The following MAP2 variants were observed in gnomAD, a reference collection of about 807,000 sequenced individuals.
MAP2 encodes the protein microtubule associated protein 2.
A neutral mutation model predicts 137.6 loss-of-function variants in MAP2; 14 were observed. That is an observed-to-expected ratio of 0.10 (90% CI 0.07 to 0.16). MAP2 has a LOEUF of 0.16. Ranked by LOEUF, MAP2 falls within the 10% of genes least tolerant of loss-of-function variation. MAP2 has a pLI of 1.00. For synonymous variants in MAP2, 786 were observed against 782.3 expected, an observed-to-expected ratio of 1.00 and a Z score of -0.08; for missense variants, 2,088 against 2,191.5, an observed-to-expected ratio of 0.95 and a Z score of 0.94.
intron 7 of MAP2, among the ~76,000 whole-genome samples, chr2:209,687,971 G>A (rs2057601219): frequency 6.6e-6 from 1 of 152,148 alleles, no homozygotes; most frequent in African/African-American, 2.4e-5. Flanking sequence ...GGTGAACCAA[G>A]CATGGTCCCC....
At chr2:209,439,969 A>T (rs1339527386) in intron 1 of MAP2, among the ~76,000 whole-genome samples, 3 of 151,344 alleles carry the variant, frequency 2.0e-5, no homozygotes, top group African/African-American at 7.3e-5. Context: ...TAAGTTACAA[A>T]CTGTTCTATT....
At chr2:209,506,921 G>A (rs2061145206) in intron 1 of MAP2, among the ~76,000 whole-genome samples, 1 of 152,156 alleles carries the variant, frequency 6.6e-6, no homozygotes, top group Admixed American at 6.5e-5. Flanking sequence ...CCCAGTTCTG[G>A]AAGCAGTGAA....
intron 3 of MAP2, among the ~76,000 whole-genome samples, chr2:209,583,757 G>C (rs2077052481): frequency 8.3e-6 from 1 of 120,754 alleles, no homozygotes; most frequent in African/African-American, 3.1e-5. Flanking sequence ...TACCGTAAGA[G>C]AGACATAAAT....
chr2:209,538,669 T>C (rs908311998), intron 2 of MAP2, among the ~76,000 whole-genome samples: 1 of 151,882 alleles, frequency 6.6e-6, no homozygotes, highest in African/African-American at 2.4e-5. Flanking sequence ...TTAAAATACG[T>C]ATCAAACTTC....
intron 2 of MAP2, among the ~76,000 whole-genome samples, chr2:209,525,297 T>G (rs1189448388): frequency 6.6e-6 from 1 of 152,170 alleles, no homozygotes; most frequent in Non-Finnish European, 1.5e-5. Flanking sequence ...AGATTAATTT[T>G]TCATATCTAT....
chr2:209,597,055 T>G (rs1373432473), intron 3 of MAP2, among the ~76,000 whole-genome samples: 2 of 152,122 alleles, frequency 1.3e-5, no homozygotes, highest in East Asian at 3.9e-4. Flanking sequence ...AGAAAAGAAG[T>G]TTTGTGTGAA....
intron 3 of MAP2, among the ~76,000 whole-genome samples, chr2:209,584,105 A>T (rs1335887837): frequency 6.6e-6 from 1 of 152,064 alleles, no homozygotes; most frequent in Non-Finnish European, 1.5e-5. Flanking sequence ...ACATGATTTC[A>T]TTCTTTTTAT....
At chr2:209,723,601 A>T (rs1559668930) in intron 13 of MAP2, 2 of 1,608,826 alleles carry the variant, frequency 1.2e-6, no homozygotes, top group South Asian at 2.2e-5. Context: ...TTAGGTTAGG[A>T]TTTTAAACAA....
intron 2 of MAP2, among the ~76,000 whole-genome samples, chr2:209,539,249 A>G (rs2066484686): frequency 6.6e-6 from 1 of 152,250 alleles, no homozygotes; most frequent in African/African-American, 2.4e-5. Flanking sequence ...ATAAAGACCA[A>G]AGTAAATAAC....
At chr2:209,542,027 G>T (rs1422378320) in intron 2 of MAP2, among the ~76,000 whole-genome samples, 1 of 152,178 alleles carries the variant, frequency 6.6e-6, no homozygotes, top group South Asian at 2.1e-4. Context: ...ATCAGAGGAT[G>T]CACAATCTGT....
rs114021776 is a variant in MAP2, at chr2:209,539,531, C to A, written c.-172+31890C>A. Among the ~76,000 whole-genome samples the A allele has an allele frequency of 8.7e-3, 1,320 of 152,204 alleles. 20 individuals carry two copies. The highest frequency in any genetic ancestry group is 0.031 in the African/African-American group (1,274 of 41,526). ...CAATTTGGCCAATTTCACTGAGATG[C>A]TCATTTGAGTATGTTCCTAAATGAC... On this transcript the variant is annotated intron_variant, in intron 2 of 15. Transcript: ENST00000682079.
At chr2:209,704,113 A>G (rs115671969) in intron 11 of MAP2, 12,929 of 450,658 alleles carry the variant, frequency 0.029, 250 homozygotes, top group Non-Finnish European at 0.042. Flanking sequence ...AAGTTTTTCA[A>G]TCCTTCCCCC....
intron 5 of MAP2, among the ~76,000 whole-genome samples, chr2:209,665,412 A>C (rs1309168328): frequency 2.0e-5 from 3 of 152,164 alleles, no homozygotes; most frequent in African/African-American, 7.2e-5. Flanking sequence ...ATGCCACTGA[A>C]ATATTCTGTA....
intron 1 of MAP2, among the ~76,000 whole-genome samples, chr2:209,494,031 C>A (rs1163751855): frequency 6.6e-6 from 1 of 152,120 alleles, no homozygotes; most frequent in African/African-American, 2.4e-5. Context: ...TTGGAACCAA[C>A]CAAAATGCCC....
intron 1 of MAP2, among the ~76,000 whole-genome samples, chr2:209,467,240 G>A (rs1215084940): frequency 6.6e-6 from 1 of 151,860 alleles, no homozygotes; most frequent in African/African-American, 2.4e-5. Flanking sequence ...TAATTGCAAC[G>A]ACCTCTTTCC....
At chr2:209,580,540 C>T (rs549023042) in intron 3 of MAP2, among the ~76,000 whole-genome samples, 15 of 152,136 alleles carry the variant, frequency 9.9e-5, no homozygotes, top group African/African-American at 3.6e-4. Context: ...GTGCTAGAGA[C>T]GAAAGCCCAG....
chr2:209,496,025 A>G (rs1283826164), intron 1 of MAP2, among the ~76,000 whole-genome samples: 1 of 152,182 alleles, frequency 6.6e-6, no homozygotes, highest in Non-Finnish European at 1.5e-5. Context: ...CAGCATTGTT[A>G]CGGCAGCTAC....
At chr2:209,568,718 C>T (rs904232605) in intron 2 of MAP2, among the ~76,000 whole-genome samples, 2 of 151,802 alleles carry the variant, frequency 1.3e-5, no homozygotes, top group Non-Finnish European at 2.9e-5. Flanking sequence ...TTCAGTCTTT[C>T]ATGAAATTGT....
At chr2:209,570,282 C>G (rs571719529) in intron 2 of MAP2, among the ~76,000 whole-genome samples, 1 of 151,784 alleles carries the variant, frequency 6.6e-6, no homozygotes, top group Non-Finnish European at 1.5e-5. Flanking sequence ...CTATGTTTAT[C>G]TCTTCCTCTT....
Sources: gnomAD v4.1 joint callset for allele counts (sites outside exome capture counted in the v4.1 genomes callset) on GRCh38, gnomAD v4.1.1 for gene constraint, MANE v1.5 for transcripts, NCBI Gene and HGNC (gene_info 2026-07-23, HGNC 2026-07-21) for gene names.